The following ATG4A variants were observed in gnomAD, a reference collection of about 807,000 sequenced individuals.
The protein encoded by ATG4A is autophagy related 4A cysteine peptidase, also known as cysteine protease ATG4A.
In ATG4A, 22 loss-of-function variants were observed where a neutral mutation model predicts 38.4. The observed-to-expected ratio is 0.57, with a 90% confidence interval of 0.41 to 0.82. The LOEUF (loss-of-function observed/expected upper bound fraction) is 0.82. Among genes scored for constraint, ATG4A ranks in the 40% least tolerant of loss-of-function variants. The pLI is 0.00. For synonymous variants in ATG4A, 86 were observed against 100.7 expected, an observed-to-expected ratio of 0.85 and a Z score of 0.88; for missense variants, 220 against 290.0, an observed-to-expected ratio of 0.76 and a Z score of 1.75.
chrX:108,140,774 AATAT>A (rs1419808595), intron 9 of ATG4A, among the ~76,000 whole-genome samples: 115 of 100,001 alleles, frequency 1.1e-3, no homozygotes, highest in Non-Finnish European at 2.0e-3. Context: ...TATATAAAAT[AATAT>A]ATAAATATAT....
At chrX:108,132,469 T>C (rs2032984470) in intron 4 of ATG4A, among the ~76,000 whole-genome samples, 1 of 111,945 alleles carries the variant, frequency 8.9e-6, no homozygotes. Flanking sequence ...CAGAGAGGAT[T>C]GGAGAAGGGC....
At position 108,128,863 on chromosome X, in the gene ATG4A, C is replaced by T; in HGVS notation, c.193+11C>T. ...AATTTTCACCAATTGGTAGGTAAAT[C>T]ATTTGTTTTACTGTGCTTTATTCCT... On this transcript the variant is annotated intron_variant, in intron 3 of 12. Transcript: ENST00000372232. The T allele has an allele frequency of 8.7e-7, 1 of 1,152,908 alleles. No homozygotes were observed. Among genetic ancestry groups the T allele is most frequent in the South Asian group, 2.0e-5 (1 of 51,016 alleles).
chrX:108,139,707 G>A (rs1000321147), intron 9 of ATG4A, among the ~76,000 whole-genome samples: 4 of 112,709 alleles, frequency 3.5e-5, no homozygotes, highest in Non-Finnish European at 7.5e-5. Context: ...GCTCATGCAT[G>A]ACTTAGTCTC....
chrX:108,150,072 C>T (rs1222286909), intron 9 of ATG4A, 80 bp from the exon 10 acceptor site: 2 of 1,085,545 alleles, frequency 1.8e-6, no homozygotes, highest in Non-Finnish European at 2.5e-6. Context: ...GTTAAGAGAA[C>T]CAGAGTGCCT....
At chrX:108,130,726 A>G (rs1278580716) in intron 3 of ATG4A, among the ~76,000 whole-genome samples, 1 of 111,778 alleles carries the variant, frequency 8.9e-6, no homozygotes, top group Non-Finnish European at 1.9e-5. Context: ...TCTTTCCCCT[A>G]TTTTACAATG....
intron 1 of ATG4A, among the ~76,000 whole-genome samples, chrX:108,121,795 C>T (rs1039775747): frequency 2.7e-5 from 3 of 112,157 alleles, no homozygotes; most frequent in Non-Finnish European, 5.6e-5. Context: ...AAGGTGGAGA[C>T]TGTATCTCAC....
intron 3 of ATG4A, among the ~76,000 whole-genome samples, chrX:108,129,507 A>G (rs193008277): frequency 8.9e-6 from 1 of 111,738 alleles, no homozygotes; most frequent in East Asian, 2.8e-4. Flanking sequence ...AGGAAACTAG[A>G]ATGAAATCAA....
At chrX:108,149,954 C>T (rs911922294) in intron 9 of ATG4A, 198 bp from the exon 10 acceptor site, 20 of 418,067 alleles carry the variant, frequency 4.8e-5, no homozygotes, top group African/African-American at 4.2e-4. Context: ...TGCTAGGGCA[C>T]ATCTTCTCAT....
chrX:108,091,571 G>A (rs748673654), upstream of ATG4A: 12 of 1,105,598 alleles, frequency 1.1e-5, no homozygotes, highest in Non-Finnish European at 6.3e-6. Flanking sequence ...GCCTCACGTC[G>A]CCGGCTCCGG....
At chrX:108,141,490 A>G (rs2033294272) in intron 9 of ATG4A, among the ~76,000 whole-genome samples, 1 of 111,646 alleles carries the variant, frequency 9.0e-6, no homozygotes, top group Non-Finnish European at 1.9e-5. Flanking sequence ...GAAAGTGGTG[A>G]AGCCAAGAGT....
rs775581997 is a variant in ATG4A, at chrX:108,129,870, C to CT, written c.193+1037dup. Among the ~76,000 whole-genome samples, 261 of 94,995 alleles carry CT rather than the reference C, an allele frequency of 2.7e-3. 2 individuals are homozygous for CT. The highest frequency in any genetic ancestry group is 5.0e-3 in the Admixed American group (43 of 8,575). The allele number at this position is 94,995 out of a possible 115,157, so 82.5% of individuals were successfully genotyped here. A position where few individuals can be genotyped will look rare whatever the true frequency, so the allele number is the denominator to read the frequency against. On this transcript the variant is annotated intron_variant, in intron 3 of 12. Coordinates refer to ENST00000372232, the MANE Select transcript of ATG4A (RefSeq NM_052936.5). ...TAGGCGTGAGCCACCGCTCCCGGCC[C>CT]TTTTTTTTTTTTTTTTTTTATTGCT...
At position 108,124,451 on chromosome X, in the gene ATG4A, CT is replaced by C. The variant is rs908611999; in HGVS notation, c.11-1617del. 4.6e-5 allele frequency among the ~76,000 whole-genome samples: 5 copies of C among 108,414 alleles called. No homozygotes were observed. The Admixed American group carries it at 4.9e-4, about 11-fold the overall frequency. 94.1% of individuals were successfully genotyped at this position (108,414 alleles called of 115,157 possible). A position where few individuals can be genotyped will look rare whatever the true frequency, so the allele number is the denominator to read the frequency against. On this transcript the variant is annotated intron_variant, in intron 1 of 12. Coordinates refer to ENST00000372232, the MANE Select transcript of ATG4A (RefSeq NM_052936.5). ...GTTAACAGTGTTTCTTTTTCTTTTT[CT>C]TTTTTTTTCTTTTTTTTTGAGATGG...
At chrX:108,126,958 A>T in intron 2 of ATG4A, 1 of 292,085 alleles carries the variant, frequency 3.4e-6, no homozygotes, top group East Asian at 1.0e-4. Flanking sequence ...GGCTGATGAA[A>T]AGGCAGGAGA....
At chrX:108,097,557 T>C (rs1435088809) in intron 1 of ATG4A, among the ~76,000 whole-genome samples, 2 of 112,345 alleles carry the variant, frequency 1.8e-5, no homozygotes, top group East Asian at 5.5e-4. Flanking sequence ...TTGTTTTACA[T>C]GTAAATAGTT....
At chrX:108,119,169 C>G (rs1288147321) in intron 1 of ATG4A, among the ~76,000 whole-genome samples, 1 of 111,830 alleles carries the variant, frequency 8.9e-6, no homozygotes, top group African/African-American at 3.3e-5. Flanking sequence ...ATAAAAAACT[C>G]CTTATAATAA....
At chrX:108,140,321 G>A (rs1487690529) in intron 9 of ATG4A, among the ~76,000 whole-genome samples, 1 of 110,730 alleles carries the variant, frequency 9.0e-6, no homozygotes, top group African/African-American at 3.3e-5. Context: ...GGTTCACATA[G>A]TGCCCATTTG....
rs1156260957 is a variant in ATG4A, at chrX:108,131,037, G to C, written c.194-223G>C. Among the ~76,000 whole-genome samples, 5 of 112,039 alleles carry C rather than the reference G, an allele frequency of 4.5e-5. 1 individual carries two copies. The Admixed American group carries it at 4.7e-4, about 11-fold the overall frequency. ...CATAAGGGACACATTTAGTTCATTT[G>C]CTTGTTTTATGTTTGGCCATAGAAC... is the stretch of plus-strand genomic sequence containing the variant. On this transcript the variant is annotated intron_variant, in intron 3 of 12. Coordinates refer to ENST00000372232, the MANE Select transcript of ATG4A (RefSeq NM_052936.5).
intron 3 of ATG4A, among the ~76,000 whole-genome samples, chrX:108,130,837 T>C (rs1346964250): frequency 8.9e-6 from 1 of 111,903 alleles, no homozygotes; most frequent in Admixed American, 9.5e-5. Flanking sequence ...TAGTATTTGT[T>C]CTTTATCTAA....
At chrX:108,128,908 G>T in intron 3 of ATG4A, 56 bp downstream of exon 3, 1 of 837,096 alleles carries the variant, frequency 1.2e-6, no homozygotes, top group Non-Finnish European at 1.7e-6. Flanking sequence ...CTTGCCTGAG[G>T]TTATCAGTGA....
Sources: allele counts gnomAD v4.1 joint callset (sites outside exome capture counted in the v4.1 genomes callset), GRCh38; gene constraint gnomAD v4.1.1; transcripts MANE v1.5; gene names NCBI Gene and HGNC (gene_info 2026-07-23, HGNC 2026-07-21).